GRM5: variants seen among roughly 807,000 people sequenced by gnomAD.
GRM5 encodes metabotropic glutamate receptor 5.
In GRM5, 19 loss-of-function variants were observed where a neutral mutation model predicts 83.1. The observed-to-expected ratio is 0.23, with a 90% CI of 0.16 to 0.34. The LOEUF is 0.34. GRM5 is among the 10% of genes least tolerant of loss of function. The pLI, the probability that GRM5 is intolerant of heterozygous loss-of-function variation, is 1.00. For synonymous variants in GRM5, 675 were observed against 633.6 expected (o/e 1.07, Z -0.98); for missense variants, 1,160 against 1,588.3 (o/e 0.73, Z 4.58).
chr11:88,878,405 C>G (rs1233195432), intron 2 of GRM5, among the ~76,000 whole-genome samples: 1 of 152,100 alleles, frequency 6.6e-6, no homozygotes, highest in Non-Finnish European at 1.5e-5. Flanking sequence ...GCCAGGGGGT[C>G]TCTCCCAGCA....
intron 2 of GRM5, among the ~76,000 whole-genome samples, chr11:88,871,029 A>G (rs1249508488): frequency 6.6e-6 from 1 of 151,640 alleles, no homozygotes; most frequent in Non-Finnish European, 1.5e-5. Context: ...AAACACCACT[A>G]TGTACTCCAT....
intron 3 of GRM5, among the ~76,000 whole-genome samples, chr11:88,708,442 A>C (rs1452243242): frequency 2.0e-5 from 3 of 152,126 alleles, no homozygotes; most frequent in African/African-American, 7.2e-5. Flanking sequence ...AAAGAAGCAA[A>C]GCAACATAAT....
chr11:88,509,330 T>C lies in GRM5; in HGVS notation c.2901A>G (p.Ala967=). ...ESRGLGAGAG[A]GGSAGGVGAT... is the part of the protein sequence containing the mutation. Reference sequence around the variant, plus strand: ...CCCCCACGCCCCCAGCGCTCCCGCCTGCGCCAGCGCCAGCGCCCAGGCCAC... The same window carrying C: ...CCCCCACGCCCCCAGCGCTCCCGCCCGCGCCAGCGCCAGCGCCCAGGCCAC... The change falls in exon 10 of 10, where the codon GCA becomes GCG. Residue 967 remains alanine, a synonymous_variant. Coordinates refer to ENST00000305447, the MANE Select transcript of GRM5 (RefSeq NM_001143831.3). 6.3e-7 allele frequency: 1 copy of C among 1,598,934 alleles called. No individual in the cohort carries two copies. The highest frequency in any genetic ancestry group is 8.5e-7 in the Non-Finnish European group (1 of 1,174,040).
intron 3 of GRM5, among the ~76,000 whole-genome samples, chr11:88,672,657 T>G (rs1372502165): frequency 6.6e-6 from 1 of 151,960 alleles, no homozygotes; most frequent in Admixed American, 6.6e-5. Flanking sequence ...TACTCAAATG[T>G]GATAGGAGCA....
intron 4 of GRM5, among the ~76,000 whole-genome samples, chr11:88,647,906 C>G (rs994587348): frequency 4.2e-4 from 63 of 151,632 alleles, no homozygotes; most frequent in Non-Finnish European, 7.2e-4. Flanking sequence ...TGAAAAAATG[C>G]TCATCATCAC....
chr11:88,653,560 G>C (rs1227135161), intron 3 of GRM5, among the ~76,000 whole-genome samples, 157 bp from the exon 4 acceptor site: 1 of 151,988 alleles, frequency 6.6e-6, no homozygotes, highest in Non-Finnish European at 1.5e-5. Flanking sequence ...ATAGAAGCTT[G>C]TTAGAATAAA....
At chr11:88,708,355 A>G (rs949168339) in intron 3 of GRM5, among the ~76,000 whole-genome samples, 16 of 152,114 alleles carry the variant, frequency 1.1e-4, no homozygotes, top group Non-Finnish European at 2.4e-4. Context: ...CATGAGATTC[A>G]GTGGTATTTA....
chr11:88,563,849 G>A (rs1942812090), intron 8 of GRM5, among the ~76,000 whole-genome samples: 1 of 152,166 alleles, frequency 6.6e-6, no homozygotes, highest in Non-Finnish European at 1.5e-5. Context: ...TATCAAATGG[G>A]AGCTGAATCC....
At chr11:89,065,747 CAA>C (rs1023527933) in intron 1 of GRM5, 27 bp downstream of exon 1, 2 of 152,220 alleles carry the variant, frequency 1.3e-5, no homozygotes, top group Non-Finnish European at 2.9e-5. Context: ...TAACTATAGC[CAA>C]GAGAAAGAAA....
At chr11:89,024,417 G>T (rs2080294060) in intron 2 of GRM5, among the ~76,000 whole-genome samples, 1 of 152,010 alleles carries the variant, frequency 6.6e-6, no homozygotes, top group Admixed American at 6.6e-5. Context: ...TCTTATATCA[G>T]GATCTTCATA....
intron 7 of GRM5, among the ~76,000 whole-genome samples, chr11:88,568,986 A>G (rs1942929944): frequency 6.6e-6 from 1 of 152,224 alleles, no homozygotes; most frequent in South Asian, 2.1e-4. Context: ...TAGCAGAAAA[A>G]TAGTGACAGA....
chr11:88,680,454 T>C (rs1460273715), intron 3 of GRM5, among the ~76,000 whole-genome samples: 2 of 152,218 alleles, frequency 1.3e-5, no homozygotes, highest in African/African-American at 4.8e-5. Context: ...ATGGTGTATA[T>C]GCGCCACATT....
chr11:88,913,131 T>C (rs1945527754), intron 2 of GRM5, among the ~76,000 whole-genome samples: 1 of 152,210 alleles, frequency 6.6e-6, no homozygotes, highest in African/African-American at 2.4e-5. Context: ...ACAGTATCTG[T>C]TCATGATCAT....
At chr11:88,684,150 T>C (rs1005568240) in intron 3 of GRM5, among the ~76,000 whole-genome samples, 2 of 152,162 alleles carry the variant, frequency 1.3e-5, no homozygotes, top group South Asian at 2.1e-4. Flanking sequence ...AGGAAGAACA[T>C]TGCGGCTGGA....
At chr11:88,775,416 G>C (rs1480553125) in intron 3 of GRM5, among the ~76,000 whole-genome samples, 2 of 151,974 alleles carry the variant, frequency 1.3e-5, no homozygotes, top group African/African-American at 2.4e-5. Flanking sequence ...TTTTTTGAAG[G>C]GTTTTTTTGC....
chr11:88,621,263 C>T (rs1419229350), intron 4 of GRM5, among the ~76,000 whole-genome samples: 1 of 152,184 alleles, frequency 6.6e-6, no homozygotes, highest in Non-Finnish European at 1.5e-5. Context: ...TTCATCGCCA[C>T]CATTCTTTTC....
intron 6 of GRM5, among the ~76,000 whole-genome samples, chr11:88,595,680 T>A (rs981457573): frequency 6.6e-6 from 1 of 152,198 alleles, no homozygotes; most frequent in African/African-American, 2.4e-5. Context: ...TTCTATTCAA[T>A]CTGGCAGGCC....
intron 3 of GRM5, among the ~76,000 whole-genome samples, chr11:88,760,642 C>T (rs1942492837): frequency 6.6e-6 from 1 of 152,074 alleles, no homozygotes; most frequent in Middle Eastern, 3.2e-3. Context: ...CAAAAAAGAG[C>T]TGGTATCATT....
At chr11:89,046,348 G>C (rs1282807471) in intron 2 of GRM5, among the ~76,000 whole-genome samples, 2 of 151,942 alleles carry the variant, frequency 1.3e-5, no homozygotes, top group Non-Finnish European at 2.9e-5. Flanking sequence ...ATCTTCTTCA[G>C]TATTCTATAG....
Sources: gnomAD v4.1 joint callset for allele counts (sites outside exome capture counted in the v4.1 genomes callset) on GRCh38, gnomAD v4.1.1 for gene constraint, MANE v1.5 for transcripts, NCBI Gene and HGNC (gene_info 2026-07-23, HGNC 2026-07-21) for gene names.